The following PTPN21 variants were observed in gnomAD, a reference collection of about 807,000 sequenced individuals.
PTPN21 encodes tyrosine-protein phosphatase non-receptor type 21.
Under a neutral mutation model 131.8 loss-of-function variants are expected in PTPN21, and 77 were observed. The observed-to-expected ratio is 0.58, with a 90% CI of 0.49 to 0.71. PTPN21 has a LOEUF of 0.71. PTPN21 is among the 30% of genes least tolerant of loss of function. The pLI, the probability that PTPN21 is intolerant of heterozygous loss-of-function variation, is 0.00. For missense variants in PTPN21, 1,552 were observed against 1,527.1 expected (o/e 1.02, Z -0.27); for synonymous variants, 715 against 621.3 (o/e 1.15, Z -2.24).
intron 2 of PTPN21, among the ~76,000 whole-genome samples, chr14:88,545,065 C>T (rs2078756768): frequency 6.6e-6 from 1 of 152,102 alleles, no homozygotes; most frequent in East Asian, 1.9e-4. Flanking sequence ...GAACTCCTGA[C>T]CTCAGGTGAT....
Position 88,469,861 on chromosome 14 carries a change from T to C in PTPN21, c.3000+61A>G. 1 of 1,610,230 alleles carries C rather than the reference T, an allele frequency of 6.2e-7. No homozygotes were observed. Among genetic ancestry groups the C allele is most frequent in the Non-Finnish European group, 8.5e-7 (1 of 1,176,720 alleles). On this transcript the variant is annotated intron_variant, in intron 16 of 18. Transcript: ENST00000556564. This position sits in a 1 kb window ranked among gnomAD's most constrained non-coding sequence, Gnocchi z 4.3. ...TTTCTCCACAGGTCAGGATTCCAGA[T>C]GATTAACATTAACTGTTCTTCAGAG...
At chr14:88,518,374 A>ATG (rs1216065156) in intron 2 of PTPN21, among the ~76,000 whole-genome samples, 1,022 of 34,678 alleles carry the variant, frequency 0.029, 56 homozygotes, top group South Asian at 0.087. Flanking sequence ...GTGTGTGTGT[A>ATG]TGTGTGTGTG....
chr14:88,475,074 G>A (rs1328289914), intron 13 of PTPN21, among the ~76,000 whole-genome samples: 1 of 151,924 alleles, frequency 6.6e-6, no homozygotes, highest in African/African-American at 2.4e-5. Flanking sequence ...CCTGGAGGCA[G>A]AGTGAGACTC....
intron 12 of PTPN21, among the ~76,000 whole-genome samples, chr14:88,482,886 A>C (rs1055729583): frequency 3.3e-5 from 5 of 151,500 alleles, no homozygotes; most frequent in Non-Finnish European, 5.9e-5. Context: ...GGTAACCAGC[A>C]AGCAGAAGCA....
intron 2 of PTPN21, among the ~76,000 whole-genome samples, chr14:88,549,602 T>A (rs1183785537): frequency 1.3e-5 from 2 of 151,892 alleles, no homozygotes; most frequent in East Asian, 1.9e-4. Flanking sequence ...GTGTTTTTTT[T>A]ATTTATTTTT....
chr14:88,523,716 GACACAC>G (rs71126989), intron 2 of PTPN21, among the ~76,000 whole-genome samples: 21,159 of 144,250 alleles, frequency 0.15, 1,842 homozygotes, highest in East Asian at 0.29. Context: ...CCCCAACCGT[GACACAC>G]ACACACACAC....
At chr14:88,538,247 G>T (rs918938259) in intron 2 of PTPN21, among the ~76,000 whole-genome samples, 1 of 152,146 alleles carries the variant, frequency 6.6e-6, no homozygotes, top group Non-Finnish European at 1.5e-5. Flanking sequence ...GCACTTCAAC[G>T]GACTCACTGC....
intron 13 of PTPN21, 98 bp downstream of exon 13, chr14:88,478,822 A>T: frequency 2.7e-6 from 2 of 734,428 alleles, no homozygotes. Flanking sequence ...ACGTTAAAAG[A>T]ACAAGAGGAG....
At chr14:88,505,071 G>A (rs796151247) in intron 5 of PTPN21, among the ~76,000 whole-genome samples, 14 of 152,244 alleles carry the variant, frequency 9.2e-5, no homozygotes, top group Admixed American at 7.8e-4. Flanking sequence ...GAAAACAAAT[G>A]TCTCCAGGCA....
At chr14:88,489,782 T>C (rs2077795877) in intron 10 of PTPN21, among the ~76,000 whole-genome samples, 1 of 152,048 alleles carries the variant, frequency 6.6e-6, no homozygotes, top group Non-Finnish European at 1.5e-5. Context: ...CAGCCTACAC[T>C]TGGGTAGACC....
intron 2 of PTPN21, among the ~76,000 whole-genome samples, chr14:88,519,359 A>G (rs2078354084): frequency 6.6e-6 from 1 of 152,214 alleles, no homozygotes; most frequent in African/African-American, 2.4e-5. Flanking sequence ...ACTGTCCAAT[A>G]AAGCAGCCAC....
At chr14:88,508,872 A>G (rs2139291299) in intron 3 of PTPN21, among the ~76,000 whole-genome samples, 1 of 152,260 alleles carries the variant, frequency 6.6e-6, no homozygotes, top group African/African-American at 2.4e-5. Context: ...TCTGTTTACC[A>G]CCCTGTTTGT....
rs542727632 is a variant in PTPN21 at position 88,469,793 on chromosome 14, T to C, written c.3001-60A>G. 25 of 1,597,950 alleles carry C rather than the reference T, an allele frequency of 1.6e-5. No homozygotes were observed. Among genetic ancestry groups the C allele is most frequent in the Middle Eastern group, 1.7e-4 (1 of 6,052 alleles). On this transcript the variant is annotated intron_variant, in intron 16 of 18. Coordinates refer to ENST00000556564, the MANE Select transcript of PTPN21 (RefSeq NM_007039.4). This position sits in a 1 kb window ranked among gnomAD's most constrained non-coding sequence, Gnocchi z 4.3. ...TCCGGCAATGGATGCCTTTCTCACA[T>C]AGACGGCACATCTGAAACAGAACCA... is the stretch of plus-strand genomic sequence containing the variant.
intron 2 of PTPN21, chr14:88,547,604 G>A (rs111974048): frequency 3.1e-4 from 139 of 452,788 alleles, no homozygotes; most frequent in African/African-American, 2.6e-3. Context: ...ATTGAGCTAT[G>A]ACGGTGCCAC....
chr14:88,478,884 G>T, intron 13 of PTPN21, 36 bp downstream of exon 13: 1 of 1,376,890 alleles, frequency 7.3e-7, no homozygotes, highest in Non-Finnish European at 9.5e-7. Context: ...CGAACGCGCG[G>T]TCCCCTGGCC....
At chr14:88,505,227 A>C in intron 5 of PTPN21, 77 bp downstream of exon 5, 2 of 1,170,588 alleles carry the variant, frequency 1.7e-6, no homozygotes, top group Non-Finnish European at 2.5e-6. Context: ...TATCATACGG[A>C]TTTCATTTCA....
At chr14:88,525,433 T>C (rs1468852860) in intron 2 of PTPN21, among the ~76,000 whole-genome samples, 1 of 152,160 alleles carries the variant, frequency 6.6e-6, no homozygotes, top group East Asian at 1.9e-4. Context: ...AAAAAAGATA[T>C]GAATGGCTAA....
chr14:88,510,071 C>T (rs10138002), intron 3 of PTPN21, among the ~76,000 whole-genome samples: 51,916 of 151,948 alleles, frequency 0.34, 9,336 homozygotes, highest in African/African-American at 0.46. Context: ...AAGCAACATA[C>T]TTGGACCCAA....
chr14:88,524,815 G>A (rs1427352868), intron 2 of PTPN21, among the ~76,000 whole-genome samples: 2 of 152,182 alleles, frequency 1.3e-5, no homozygotes, highest in East Asian at 3.9e-4. Context: ...TAAAGTGGGA[G>A]GCTCACTTGG....
Sources: gnomAD v4.1 joint callset for allele counts (sites outside exome capture counted in the v4.1 genomes callset) on GRCh38, gnomAD v4.1.1 for gene constraint, Gnocchi (gnomAD v3.1) non-coding constraint, MANE v1.5 for transcripts, NCBI Gene and HGNC (gene_info 2026-07-23, HGNC 2026-07-21) for gene names.